FBXW8: variants seen among roughly 807,000 people sequenced by gnomAD.
FBXW8 encodes F-box/WD repeat-containing protein 8.
Under a neutral mutation model 65.3 loss-of-function variants are expected in FBXW8, and 57 were observed. The ratio of observed to expected loss-of-function variants is 0.87; its 90% CI spans 0.71 to 1.09. The LOEUF (loss-of-function observed/expected upper bound fraction) is 1.09, where lower values mean the gene tolerates loss of function less well. FBXW8 is among the 50% of genes least tolerant of loss of function. The pLI, the probability that FBXW8 is intolerant of heterozygous loss-of-function variation, is 0.00. For missense variants in FBXW8, 777 were observed against 814.8 expected (o/e 0.95, Z 0.57); for synonymous variants, 308 against 330.2 (o/e 0.93, Z 0.73).
At chr12:116,957,594 A>G (rs1367584534) in intron 4 of FBXW8, among the ~76,000 whole-genome samples, 1 of 152,202 alleles carries the variant, frequency 6.6e-6, no homozygotes, top group Non-Finnish European at 1.5e-5. Flanking sequence ...TAACATAGGT[A>G]TAAGGTTGTG....
At chr12:117,023,650 T>C (rs1456004793) in intron 8 of FBXW8, among the ~76,000 whole-genome samples, 1 of 152,214 alleles carries the variant, frequency 6.6e-6, no homozygotes, top group African/African-American at 2.4e-5. Flanking sequence ...GGCTTTCCCT[T>C]TCTCAGTTCC....
chr12:117,020,750 GCCTCC>G (rs1395887334), intron 8 of FBXW8, among the ~76,000 whole-genome samples: 2 of 152,196 alleles, frequency 1.3e-5, no homozygotes, highest in Non-Finnish European at 2.9e-5. Flanking sequence ...CTTGCCAGCA[GCCTCC>G]CCTCCCCTGA....
chr12:116,915,634 T>G (rs1880344284), intron 1 of FBXW8, among the ~76,000 whole-genome samples: 1 of 134,050 alleles, frequency 7.5e-6, no homozygotes, highest in African/African-American at 2.7e-5. Flanking sequence ...ACCACTCACC[T>G]GACTACTTTT....
intron 2 of FBXW8, among the ~76,000 whole-genome samples, chr12:116,939,339 A>T (rs1882399089): frequency 1.3e-5 from 2 of 152,340 alleles, no homozygotes; most frequent in African/African-American, 4.8e-5. Flanking sequence ...AGCATTTTGG[A>T]TAAGGGATAC....
chr12:116,969,853 A>G (rs1291202974), intron 5 of FBXW8, among the ~76,000 whole-genome samples: 1 of 151,942 alleles, frequency 6.6e-6, no homozygotes, highest in Non-Finnish European at 1.5e-5. Context: ...TGGCAAGGTG[A>G]TCCACAGTTG....
At chr12:116,992,761 G>GGTT (rs1555223675) in intron 7 of FBXW8, among the ~76,000 whole-genome samples, 1 of 143,550 alleles carries the variant, frequency 7.0e-6, no homozygotes, top group Non-Finnish European at 1.5e-5. Flanking sequence ...ATTATTCCAT[G>GGTT]GTGTGTGTGT....
At chr12:116,962,643 C>T (rs1328711056) in intron 4 of FBXW8, among the ~76,000 whole-genome samples, 1 of 152,226 alleles carries the variant, frequency 6.6e-6, no homozygotes, top group Admixed American at 6.5e-5. Context: ...TCTGAATTCC[C>T]TTTATCTTTC....
At chr12:117,018,179 C>G (rs1300790538) in intron 8 of FBXW8, among the ~76,000 whole-genome samples, 1 of 152,154 alleles carries the variant, frequency 6.6e-6, no homozygotes. Flanking sequence ...CCGCCGACTC[C>G]TATGGTGTGA....
chr12:116,916,884 T>TTG (rs972037620), intron 1 of FBXW8, among the ~76,000 whole-genome samples: 3 of 123,838 alleles, frequency 2.4e-5, no homozygotes, highest in African/African-American at 5.4e-5. Context: ...GGTTGGCTAA[T>TTG]TGTGCGTGTG....
chr12:116,929,985 C>T (rs1469962601), intron 2 of FBXW8, among the ~76,000 whole-genome samples: 2 of 152,176 alleles, frequency 1.3e-5, no homozygotes, highest in East Asian at 3.8e-4. Flanking sequence ...CCTCTAGGTT[C>T]ATCCACCATG....
At chr12:116,940,933 A>G (rs1245379108) in intron 2 of FBXW8, among the ~76,000 whole-genome samples, 1 of 152,214 alleles carries the variant, frequency 6.6e-6, no homozygotes, top group Non-Finnish European at 1.5e-5. Flanking sequence ...CAGAATGGAA[A>G]CTATATGAAA....
chr12:116,967,081 G>T (rs1055324164), intron 5 of FBXW8, among the ~76,000 whole-genome samples: 2 of 151,636 alleles, frequency 1.3e-5, no homozygotes, highest in Non-Finnish European at 2.9e-5. Flanking sequence ...AAGAAGTCGA[G>T]GTATTCCTCC....
chr12:116,978,212 T>C (rs372212615), intron 5 of FBXW8: 1 of 152,254 alleles, frequency 6.6e-6, no homozygotes, highest in East Asian at 1.9e-4. Context: ...TTCGTGACCC[T>C]CCGTGGTTTA....
intron 1 of FBXW8, among the ~76,000 whole-genome samples, chr12:116,914,950 T>C (rs1431419180): frequency 2.6e-5 from 4 of 152,252 alleles, no homozygotes; most frequent in Non-Finnish European, 5.9e-5. Flanking sequence ...ATTCATTGTG[T>C]GCGTAAACTG....
At chr12:117,024,064 C>G (rs556295070) in intron 8 of FBXW8, 83 bp from the exon 9 acceptor site, 1 of 1,451,884 alleles carries the variant, frequency 6.9e-7, no homozygotes, top group African/African-American at 1.4e-5. Flanking sequence ...GTGCATAGAC[C>G]AGCACCGTGG....
chr12:117,003,783 CTA>C (rs1953602467), intron 7 of FBXW8, among the ~76,000 whole-genome samples: 1 of 152,226 alleles, frequency 6.6e-6, no homozygotes, highest in East Asian at 1.9e-4. Context: ...TCCACTGACA[CTA>C]CTGACGAGTT....
chr12:116,945,571 C>A, intron 3 of FBXW8, 43 bp downstream of exon 3: 1 of 1,580,364 alleles, frequency 6.3e-7, no homozygotes, highest in African/African-American at 1.3e-5. Context: ...GAATAGCCTG[C>A]AAGGACATGG....
chr12:116,968,947 C>CT (rs1211242959), intron 5 of FBXW8, among the ~76,000 whole-genome samples: 1 of 151,780 alleles, frequency 6.6e-6, no homozygotes, highest in Non-Finnish European at 1.5e-5. Flanking sequence ...CCAAGTACAT[C>CT]TTTTTTCCAG....
At chr12:116,931,028 G>A (rs555372515) in intron 2 of FBXW8, among the ~76,000 whole-genome samples, 1 of 152,254 alleles carries the variant, frequency 6.6e-6, no homozygotes, top group African/African-American at 2.4e-5. Flanking sequence ...GGCTAGTCTC[G>A]AACTCCTGGC....
Sources: gnomAD v4.1 joint callset for allele counts (sites outside exome capture counted in the v4.1 genomes callset) on GRCh38, gnomAD v4.1.1 for gene constraint, MANE v1.5 for transcripts, NCBI Gene and HGNC (gene_info 2026-07-23, HGNC 2026-07-21) for gene names.